The following COL5A2 variants were observed in gnomAD, a reference collection of about 807,000 sequenced individuals.
COL5A2 encodes the protein collagen alpha-2(V) chain.
COL5A2 carries 23 observed loss-of-function variants against 208.2 expected under a neutral mutation model. The observed-to-expected ratio is 0.11, with a 90% CI of 0.08 to 0.16. The LOEUF (loss-of-function observed/expected upper bound fraction) is 0.16, where lower values mean the gene tolerates loss of function less well. Among genes scored for constraint, COL5A2 ranks in the 10% least tolerant of loss-of-function variants. The probability of loss-of-function intolerance (pLI) is 1.00; values close to 1 mark genes in which losing one functional copy is unlikely to be tolerated. For synonymous variants in COL5A2, 625 were observed against 628.5 expected (o/e 0.99, Z 0.08); for missense variants, 1,590 against 1,956.4 (o/e 0.81, Z 3.53).
At chr2:189,341,406 A>G in the COL5A2 span, among the ~76,000 whole-genome samples, 1 of 152,202 alleles carries the variant, frequency 6.6e-6, no homozygotes, top group Non-Finnish European at 1.5e-5. Flanking sequence ...CAAAAGCATC[A>G]AAAATATGAC....
chr2:189,349,409 T>C, the COL5A2 span, among the ~76,000 whole-genome samples: 1 of 152,030 alleles, frequency 6.6e-6, no homozygotes, highest in Non-Finnish European at 1.5e-5. Context: ...ATTAGAGGGA[T>C]ACCAAATCCA....
At chr2:189,219,751 G>T (rs772598394) in intron 1 of COL5A2, among the ~76,000 whole-genome samples, 10 of 152,104 alleles carry the variant, frequency 6.6e-5, no homozygotes, top group Non-Finnish European at 1.2e-4. Context: ...GCTTGAGTTA[G>T]TGAAATAAGC....
intron 3 of COL5A2, among the ~76,000 whole-genome samples, chr2:189,102,644 C>T (rs1687069692): frequency 6.6e-6 from 1 of 151,980 alleles, no homozygotes; most frequent in Admixed American, 6.6e-5. Flanking sequence ...TGTAGAATGT[C>T]ATTACCATGG....
At chr2:189,162,312 A>G (rs1688382568) in intron 1 of COL5A2, among the ~76,000 whole-genome samples, 1 of 152,262 alleles carries the variant, frequency 6.6e-6, no homozygotes, top group African/African-American at 2.4e-5. Context: ...CAAATTAATG[A>G]ATAAATGAAG....
At chr2:189,276,616 A>G in the COL5A2 span, among the ~76,000 whole-genome samples, 1 of 152,332 alleles carries the variant, frequency 6.6e-6, no homozygotes, top group South Asian at 2.1e-4. Context: ...GTTATGAGTC[A>G]CATTACATAA....
At chr2:189,161,039 C>T (rs1306570664) in intron 1 of COL5A2, among the ~76,000 whole-genome samples, 3 of 151,278 alleles carry the variant, frequency 2.0e-5, no homozygotes, top group African/African-American at 7.3e-5. Context: ...AGGCTGGTCT[C>T]GAACTCCCAA....
At chr2:189,334,111 G>C in the COL5A2 span, among the ~76,000 whole-genome samples, 2 of 151,782 alleles carry the variant, frequency 1.3e-5, no homozygotes, top group South Asian at 4.1e-4. Context: ...GAATAGATAG[G>C]AATTGTTTAA....
At chr2:189,130,576 A>G (rs528489342) in intron 1 of COL5A2, among the ~76,000 whole-genome samples, 10 of 151,994 alleles carry the variant, frequency 6.6e-5, no homozygotes, top group Admixed American at 1.3e-4. Context: ...TCTTCACTGT[A>G]GCCACATGAA....
the COL5A2 span, among the ~76,000 whole-genome samples, chr2:189,303,467 T>C: frequency 6.6e-6 from 1 of 152,178 alleles, no homozygotes; most frequent in African/African-American, 2.4e-5. Context: ...GAGTTGGTCC[T>C]GTCAAACCAC....
At chr2:189,072,227 T>A in intron 17 of COL5A2, 134 bp from the exon 18 acceptor site, 2 of 662,494 alleles carry the variant, frequency 3.0e-6, no homozygotes, top group Non-Finnish European at 5.4e-6. Flanking sequence ...ATTACAAAGA[T>A]AATAGGCTAA....
At chr2:189,091,829 T>C (rs1211816185) in intron 7 of COL5A2, among the ~76,000 whole-genome samples, 2 of 152,204 alleles carry the variant, frequency 1.3e-5, no homozygotes, top group Non-Finnish European at 2.9e-5. Context: ...TTGTTTGACT[T>C]TACTTCAAGT....
intron 1 of COL5A2, among the ~76,000 whole-genome samples, chr2:189,150,675 T>C (rs1012600912): frequency 2.0e-5 from 3 of 152,126 alleles, no homozygotes; most frequent in African/African-American, 4.8e-5. Flanking sequence ...ACAATAAATG[T>C]TTCTTGATGT....
At chr2:189,158,810 C>G (rs1424817737) in intron 1 of COL5A2, among the ~76,000 whole-genome samples, 1 of 152,136 alleles carries the variant, frequency 6.6e-6, no homozygotes, top group African/African-American at 2.4e-5. Flanking sequence ...TGACTCTAGA[C>G]TTATTACCAA....
the COL5A2 span, among the ~76,000 whole-genome samples, chr2:189,423,212 T>C: frequency 6.6e-6 from 1 of 151,800 alleles, no homozygotes; most frequent in Non-Finnish European, 1.5e-5. Flanking sequence ...CTGAAAATCA[T>C]ATCAAAAGCT....
chr2:189,254,329 T>A, the COL5A2 span, among the ~76,000 whole-genome samples: 36 of 152,388 alleles, frequency 2.4e-4, no homozygotes, highest in African/African-American at 7.7e-4. Context: ...TGGGCAGGCA[T>A]CTGAATGTTT....
the COL5A2 span, among the ~76,000 whole-genome samples, chr2:189,314,461 C>T: frequency 6.6e-6 from 1 of 152,226 alleles, no homozygotes; most frequent in East Asian, 1.9e-4. Flanking sequence ...AAATTTACAG[C>T]ACTAAATACC....
chr2:189,393,150 T>C, the COL5A2 span, among the ~76,000 whole-genome samples: 1 of 152,176 alleles, frequency 6.6e-6, no homozygotes, highest in Non-Finnish European at 1.5e-5. Flanking sequence ...CCTCCCACTT[T>C]TTCAAACTTT....
intron 31 of COL5A2, among the ~76,000 whole-genome samples, 189 bp downstream of exon 31, chr2:189,060,541 T>A (rs537490131): frequency 6.6e-6 from 1 of 152,312 alleles, no homozygotes; most frequent in South Asian, 2.1e-4. Flanking sequence ...GAAAGTTATC[T>A]AACATCTGTA....
chr2:189,234,424 G>A, the COL5A2 span, among the ~76,000 whole-genome samples: 3 of 151,728 alleles, frequency 2.0e-5, no homozygotes, highest in South Asian at 6.2e-4. Flanking sequence ...CTTTATTTTA[G>A]TTTTTCCATA....
Sources: allele counts gnomAD v4.1 joint callset (sites outside exome capture counted in the v4.1 genomes callset), GRCh38; gene constraint gnomAD v4.1.1; transcripts MANE v1.5; gene names NCBI Gene and HGNC (gene_info 2026-07-23, HGNC 2026-07-21).